The following ERBB4 variants were observed in gnomAD, a reference collection of about 807,000 sequenced individuals.
The protein encoded by ERBB4 is erb-b2 receptor tyrosine kinase 4.
A neutral mutation model predicts 158.0 loss-of-function variants in ERBB4; 42 were observed. The ratio of observed to expected loss-of-function variants is 0.27; its 90% CI spans 0.21 to 0.34. ERBB4 has a LOEUF of 0.34. ERBB4 is among the 10% of genes least tolerant of loss of function. The pLI is 1.00. For missense variants in ERBB4, 1,333 were observed against 1,624.1 expected (o/e 0.82, Z 3.08); for synonymous variants, 583 against 558.7 (o/e 1.04, Z -0.61).
chr2:212,270,356 C>T (rs2085298698), intron 1 of ERBB4, among the ~76,000 whole-genome samples: 2 of 151,768 alleles, frequency 1.3e-5, no homozygotes, highest in African/African-American at 4.8e-5. Flanking sequence ...GATCTTTGCA[C>T]TTGAACAGCT....
intron 15 of ERBB4, chr2:211,658,074 T>C: frequency 2.0e-6 from 2 of 1,009,724 alleles, no homozygotes; most frequent in Middle Eastern, 4.2e-4. Context: ...ATATTGATTG[T>C]CTCGAATTCT....
At chr2:212,290,531 T>TA (rs1290470295) in intron 1 of ERBB4, among the ~76,000 whole-genome samples, 6 of 152,146 alleles carry the variant, frequency 3.9e-5, no homozygotes, top group African/African-American at 1.4e-4. Context: ...GGAAGCTCCT[T>TA]AGGGCACATA....
intron 20 of ERBB4, among the ~76,000 whole-genome samples, chr2:211,493,319 C>T (rs577674326): frequency 6.6e-6 from 1 of 151,944 alleles, no homozygotes; most frequent in South Asian, 2.1e-4. Flanking sequence ...CAAAAATGCC[C>T]AATTTAATAT....
At chr2:211,677,330 C>G (rs1269864141) in intron 13 of ERBB4, among the ~76,000 whole-genome samples, 3 of 148,750 alleles carry the variant, frequency 2.0e-5, no homozygotes, top group Non-Finnish European at 4.5e-5. Context: ...TTTGGGAGGC[C>G]GAGGCAGGCA....
intron 16 of ERBB4, among the ~76,000 whole-genome samples, chr2:211,639,893 T>C (rs2070509112): frequency 6.6e-6 from 1 of 152,078 alleles, no homozygotes; most frequent in Non-Finnish European, 1.5e-5. Flanking sequence ...CAGCTAATGT[T>C]TGTATTTTTA....
At chr2:211,824,333 T>C (rs913579379) in intron 3 of ERBB4, among the ~76,000 whole-genome samples, 1 of 152,018 alleles carries the variant, frequency 6.6e-6, no homozygotes, top group Non-Finnish European at 1.5e-5. Flanking sequence ...ATGGTACCTG[T>C]GTATGCCTCA....
intron 2 of ERBB4, among the ~76,000 whole-genome samples, chr2:212,123,987 C>G (rs1053642938): frequency 2.0e-5 from 3 of 152,136 alleles, no homozygotes; most frequent in Non-Finnish European, 2.9e-5. Flanking sequence ...AGCATAAATT[C>G]TTAATTGTGC....
intron 2 of ERBB4, among the ~76,000 whole-genome samples, chr2:212,091,242 G>C (rs923828522): frequency 1.7e-4 from 25 of 151,488 alleles, no homozygotes; most frequent in Middle Eastern, 3.5e-3. Context: ...AAGGTCAATT[G>C]ATGTGGCAGG....
At chr2:211,940,974 C>T (rs1234063621) in intron 3 of ERBB4, among the ~76,000 whole-genome samples, 1 of 152,072 alleles carries the variant, frequency 6.6e-6, no homozygotes, top group East Asian at 1.9e-4. Context: ...ATAACATTTC[C>T]TCTTTTCGAA....
At chr2:212,125,103 C>T in intron 1 of ERBB4, 200 bp from the exon 2 acceptor site, 1 of 601,084 alleles carries the variant, frequency 1.7e-6, no homozygotes, top group South Asian at 1.9e-5. Flanking sequence ...ATGTGCTAAT[C>T]ACAGAGAGTA....
intron 20 of ERBB4, among the ~76,000 whole-genome samples, chr2:211,460,767 TC>T (rs2064510308): frequency 6.6e-6 from 1 of 151,808 alleles, no homozygotes; most frequent in African/African-American, 2.4e-5. Flanking sequence ...TAAAAAAAAA[TC>T]AATGTTTATT....
intron 1 of ERBB4, among the ~76,000 whole-genome samples, chr2:212,246,574 A>T (rs1454106826): frequency 1.3e-5 from 2 of 152,178 alleles, no homozygotes; most frequent in African/African-American, 4.8e-5. Context: ...CACAAAATAC[A>T]AGTTAGAAAG....
intron 19 of ERBB4, among the ~76,000 whole-genome samples, chr2:211,605,140 T>C (rs183287892): frequency 9.8e-4 from 149 of 152,296 alleles, no homozygotes; most frequent in African/African-American, 3.5e-3. Context: ...AAATTGTTTC[T>C]CTTTTTGTTC....
chr2:212,429,012 G>T (rs1295383340), intron 1 of ERBB4: 1 of 152,152 alleles, frequency 6.6e-6, no homozygotes, highest in Non-Finnish European at 1.5e-5. Flanking sequence ...TAATATAAAA[G>T]TTATTAATTT....
intron 2 of ERBB4, among the ~76,000 whole-genome samples, chr2:212,094,426 T>C (rs912230565): frequency 2.0e-5 from 3 of 150,960 alleles, no homozygotes; most frequent in Admixed American, 6.6e-5. Flanking sequence ...AATTACTCTA[T>C]TTTTAGGTAA....
chr2:212,479,489 A>T (rs996442548), intron 1 of ERBB4, among the ~76,000 whole-genome samples: 1 of 152,164 alleles, frequency 6.6e-6, no homozygotes, highest in African/African-American at 2.4e-5. Context: ...AGCACCCAAT[A>T]TTGAGTACTT....
At chr2:211,504,643 T>C (rs1423229841) in intron 20 of ERBB4, among the ~76,000 whole-genome samples, 2 of 151,934 alleles carry the variant, frequency 1.3e-5, no homozygotes, top group Non-Finnish European at 2.9e-5. Context: ...AGATAAAGAA[T>C]TCAAGATATG....
chr2:212,397,335 T>C (rs2091058310), intron 1 of ERBB4, among the ~76,000 whole-genome samples: 1 of 151,906 alleles, frequency 6.6e-6, no homozygotes, highest in Non-Finnish European at 1.5e-5. Context: ...CAGCCAGGCA[T>C]GGTGGCACGC....
chr2:211,603,838 C>T (rs1403475249), intron 19 of ERBB4, among the ~76,000 whole-genome samples: 1 of 152,170 alleles, frequency 6.6e-6, no homozygotes, highest in South Asian at 2.1e-4. Flanking sequence ...CTGAGATACA[C>T]GAGGTCTCTA....
Sources: allele counts gnomAD v4.1 joint callset (sites outside exome capture counted in the v4.1 genomes callset), GRCh38; gene constraint gnomAD v4.1.1; transcripts MANE v1.5; gene names NCBI Gene and HGNC (gene_info 2026-07-23, HGNC 2026-07-21).